UNC13B: variants seen among roughly 807,000 people sequenced by gnomAD.
UNC13B encodes protein unc-13 homolog B.
A neutral mutation model predicts 211.0 loss-of-function variants in UNC13B; 144 were observed. The ratio of observed to expected loss-of-function variants is 0.68; its 90% CI spans 0.60 to 0.78. The LOEUF (loss-of-function observed/expected upper bound fraction) is 0.78. UNC13B is among the 30% of genes least tolerant of loss of function. The probability of loss-of-function intolerance (pLI) is 0.00; values close to 1 mark genes in which losing one functional copy is unlikely to be tolerated. For synonymous variants in UNC13B, 709 were observed against 725.8 expected (o/e 0.98, Z 0.37); for missense variants, 1,777 against 2,002.0 (o/e 0.89, Z 2.14).
At chr9:35,163,114 T>C (rs938731039) in intron 1 of UNC13B, among the ~76,000 whole-genome samples, 1 of 152,186 alleles carries the variant, frequency 6.6e-6, no homozygotes, top group Non-Finnish European at 1.5e-5. Context: ...TGAATGCAAG[T>C]ACTGTGACTT....
intron 11 of UNC13B, among the ~76,000 whole-genome samples, chr9:35,363,360 AT>A (rs1833554955): frequency 6.6e-6 from 1 of 151,860 alleles, no homozygotes; most frequent in Non-Finnish European, 1.5e-5. Flanking sequence ...CAGTTAAAGG[AT>A]TGTTTGCCTA....
rs2131850595 is a variant in UNC13B at position 35,308,125 on chromosome 9, G to A, written c.8721G>A (p.Gln2907=). The A allele has an allele frequency of 5.0e-6, 2 of 399,106 alleles. No homozygotes were observed. The highest frequency in any genetic ancestry group is 8.8e-6 in the Non-Finnish European group (2 of 226,124). 24.7% of individuals were successfully genotyped at this position (399,106 alleles called of 1,614,324 possible). ...CTCAGCCCTCTGGGACCTCTGAGCA[G>A]CTGGTGGCCAGTCCAGAGGTCTGTG... ...VYTQPSGTSE[Q]LVASPEVCAQ... Residue 2907 remains glutamine, a synonymous_variant, in exon 9 of 40, where the codon CAG becomes CAA. Transcript: ENST00000635942.
intron 6 of UNC13B, among the ~76,000 whole-genome samples, chr9:35,258,428 T>G (rs1827063457): frequency 6.6e-6 from 1 of 152,214 alleles, no homozygotes; most frequent in African/African-American, 2.4e-5. Context: ...TACTTGTTTT[T>G]GTGGTGGTTG....
chr9:35,372,523 G>GC (rs1403628771), intron 13 of UNC13B, among the ~76,000 whole-genome samples: 22 of 88,882 alleles, frequency 2.5e-4, no homozygotes, highest in South Asian at 5.4e-4. Flanking sequence ...GATACATGGG[G>GC]CCCCTGTGCA....
At chr9:35,220,137 T>G (rs935623735) in intron 1 of UNC13B, among the ~76,000 whole-genome samples, 5 of 151,968 alleles carry the variant, frequency 3.3e-5, no homozygotes, top group Admixed American at 6.6e-5. Context: ...TTCCCCTTAT[T>G]TTGTATTCTT....
intron 26 of UNC13B, among the ~76,000 whole-genome samples, chr9:35,393,794 A>G (rs1587764032): frequency 6.6e-6 from 1 of 150,900 alleles, no homozygotes; most frequent in African/African-American, 2.4e-5. Flanking sequence ...CTGGTCTTGA[A>G]CCCTAGCCTC....
At chr9:35,284,704 C>T (rs915282389) in intron 7 of UNC13B, among the ~76,000 whole-genome samples, 9 of 152,032 alleles carry the variant, frequency 5.9e-5, no homozygotes, top group Admixed American at 2.6e-4. Flanking sequence ...CAGTACTTAC[C>T]GAATCAACTG....
intron 1 of UNC13B, among the ~76,000 whole-genome samples, chr9:35,183,869 T>C (rs10972374): frequency 0.2 from 18,549 of 90,670 alleles, 1,556 homozygotes; most frequent in Middle Eastern, 0.43. Context: ...AGGCGCTCCT[T>C]GCCTCCCAGA....
In UNC13B at chr9:35,318,506, A is replaced by C. The variant is rs116015593; in HGVS notation, c.9414+4517A>C. Among the ~76,000 whole-genome samples the C allele has an allele frequency of 2.5e-3, 384 of 152,330 alleles. 2 individuals carry two copies. The highest frequency in any genetic ancestry group is 8.9e-3 in the African/African-American group (372 of 41,580). On this transcript the variant is annotated intron_variant, in intron 11 of 39. Coordinates refer to ENST00000635942, the MANE Select transcript of UNC13B (RefSeq NM_001371189.2). ...AAGTACAAGCAAATATGAATATACT[A>C]ATGCTTCTTTACCCGTTTTTATACA...
chr9:35,170,753 T>A (rs951498048), intron 1 of UNC13B, among the ~76,000 whole-genome samples: 4 of 152,142 alleles, frequency 2.6e-5, no homozygotes, highest in South Asian at 4.1e-4. Flanking sequence ...ATTATAGTCA[T>A]GAGCCACTGT....
chr9:35,258,320 T>A lies in UNC13B; in HGVS notation c.469-673T>A, dbSNP rs187705438. 5.9e-5 allele frequency among the ~76,000 whole-genome samples: 9 copies of A among 152,338 alleles called. No individual in the cohort carries two copies. In the East Asian group the frequency reaches 1.7e-3, roughly 29 times the overall value. The stretch of plus-strand genomic sequence containing the variant: ...ACCCCTGTTAATTTGTTTGTGCCTT[T>A]CTCTTTCTGTTTTGCCTTCTAAATC... On this transcript the variant is annotated intron_variant, in intron 6 of 39. Coordinates refer to ENST00000635942, the MANE Select transcript of UNC13B (RefSeq NM_001371189.2).
chr9:35,398,063 C>G (rs1372745644), intron 30 of UNC13B, 148 bp from the exon 31 acceptor site: 9 of 628,612 alleles, frequency 1.4e-5, no homozygotes, highest in Non-Finnish European at 5.3e-6. Context: ...GGAGAATTAT[C>G]TGAACTGGCC....
chr9:35,270,278 C>A (rs2131674743), intron 7 of UNC13B, among the ~76,000 whole-genome samples: 1 of 152,238 alleles, frequency 6.6e-6, no homozygotes, highest in South Asian at 2.1e-4. Flanking sequence ...CCAATTAACA[C>A]CCTCATCACA....
chr9:35,370,742 C>A (rs1834064436), intron 13 of UNC13B, among the ~76,000 whole-genome samples: 1 of 152,216 alleles, frequency 6.6e-6, no homozygotes, highest in Non-Finnish European at 1.5e-5. Flanking sequence ...CAGCCCTTGA[C>A]CTCTTGATCA....
At chr9:35,245,872 G>A (rs1826065625) in intron 6 of UNC13B, among the ~76,000 whole-genome samples, 1 of 152,144 alleles carries the variant, frequency 6.6e-6, no homozygotes. Flanking sequence ...ACCCAGTAAT[G>A]GGATGGCTGA....
At chr9:35,371,247 C>T (rs7866864) in intron 13 of UNC13B, among the ~76,000 whole-genome samples, 25,213 of 151,916 alleles carry the variant, frequency 0.17, 3,179 homozygotes, top group African/African-American at 0.34. Context: ...CTTAGTTGAC[C>T]GAATGAAAGT....
At chr9:35,203,962 C>A (rs934073782) in intron 1 of UNC13B, among the ~76,000 whole-genome samples, 8 of 152,206 alleles carry the variant, frequency 5.3e-5, no homozygotes, top group African/African-American at 1.9e-4. Context: ...GCAGCCTCTC[C>A]CATCACAGGC....
intron 3 of UNC13B, among the ~76,000 whole-genome samples, chr9:35,231,432 C>T (rs771168169): frequency 2.6e-5 from 4 of 151,864 alleles, no homozygotes; most frequent in African/African-American, 9.7e-5. Flanking sequence ...CTCATGGATT[C>T]GTAATTTGTT....
chr9:35,300,686 G>C lies in UNC13B; in HGVS notation c.1282G>C (p.Asp428His), dbSNP rs937264441. 3 of 398,848 alleles carry C rather than the reference G, an allele frequency of 7.5e-6. No individual in the cohort carries two copies. Among genetic ancestry groups the C allele is most frequent in the Non-Finnish European group, 1.3e-5 (3 of 226,016 alleles). 24.7% of individuals were successfully genotyped at this position (398,848 alleles called of 1,614,324 possible). The change falls in exon 9 of 40, where the codon GAT (aspartate) becomes CAT (histidine). Residue 428 changes from aspartate to histidine, a missense_variant. Asp to His is a moderately conservative substitution (Grantham distance 81, BLOSUM62 -1). Coordinates refer to ENST00000635942, the MANE Select transcript of UNC13B (RefSeq NM_001371189.2). ...SALPLQRMNCDAKTLGDLSEC... is the reference protein window; with the variant it reads ...SALPLQRMNCHAKTLGDLSEC... ...ATTGCCATTACAAAGGATGAATTGT[G>C]ATGCAAAAACACTTGGAGATCTGTC...
Sources: gnomAD v4.1 joint callset for allele counts (sites outside exome capture counted in the v4.1 genomes callset) on GRCh38, gnomAD v4.1.1 for gene constraint, MANE v1.5 for transcripts, NCBI Gene and HGNC (gene_info 2026-07-23, HGNC 2026-07-21) for gene names.